GPC6: variants seen among roughly 807,000 people sequenced by gnomAD.
The protein encoded by GPC6 is glypican 6.
In GPC6, 14 loss-of-function variants were observed where a neutral mutation model predicts 55.2. That is an observed-to-expected ratio of 0.25 (90% CI 0.17 to 0.40). The LOEUF (loss-of-function observed/expected upper bound fraction) is 0.40. Among genes scored for constraint, GPC6 ranks in the 10% least tolerant of loss-of-function variants. GPC6 has a pLI of 1.00. For missense variants in GPC6, 641 were observed against 708.5 expected, an observed-to-expected ratio of 0.90 and a Z score of 1.08; for synonymous variants, 278 against 259.6, an observed-to-expected ratio of 1.07 and a Z score of -0.68.
intron 2 of GPC6, among the ~76,000 whole-genome samples, chr13:93,755,328 G>A (rs1328483861): frequency 6.6e-6 from 1 of 152,116 alleles, no homozygotes; most frequent in African/African-American, 2.4e-5. Context: ...GGAAATGCTG[G>A]AGGCCATGGT....
intron 6 of GPC6, among the ~76,000 whole-genome samples, chr13:94,316,499 C>T (rs1173040431): frequency 6.6e-6 from 1 of 151,964 alleles, no homozygotes; most frequent in African/African-American, 2.4e-5. Flanking sequence ...GGGCGGATCA[C>T]GAGGTCAGGA....
chr13:93,610,370 G>T (rs1247569243), intron 2 of GPC6, among the ~76,000 whole-genome samples: 1 of 152,146 alleles, frequency 6.6e-6, no homozygotes, highest in African/African-American at 2.4e-5. Context: ...TCGCAACCCA[G>T]AATGTGTGCG....
chr13:94,220,311 A>G (rs1890346088), intron 4 of GPC6, among the ~76,000 whole-genome samples: 1 of 152,066 alleles, frequency 6.6e-6, no homozygotes, highest in African/African-American at 2.4e-5. Context: ...ACCCTTCATC[A>G]TAGGAGTCCA....
intron 3 of GPC6, among the ~76,000 whole-genome samples, chr13:94,006,230 G>A (rs1882014794): frequency 6.6e-6 from 1 of 152,118 alleles, no homozygotes; most frequent in Non-Finnish European, 1.5e-5. Context: ...CTGTGAAAGG[G>A]CCATGTATGC....
At chr13:93,552,782 C>T (rs72641636) in intron 2 of GPC6, among the ~76,000 whole-genome samples, 2,737 of 152,210 alleles carry the variant, frequency 0.018, 27 homozygotes, top group Non-Finnish European at 0.027. Context: ...ACCAGTTCTA[C>T]CAGAAGGGTT....
chr13:93,986,619 C>A (rs1002740671), intron 3 of GPC6, among the ~76,000 whole-genome samples: 10 of 152,258 alleles, frequency 6.6e-5, no homozygotes, highest in African/African-American at 2.4e-4. Flanking sequence ...ACAACTATTA[C>A]ACTTTGAATA....
chr13:94,363,882 C>T, intron 6 of GPC6, among the ~76,000 whole-genome samples: 1 of 152,130 alleles, frequency 6.6e-6, no homozygotes, highest in East Asian at 1.9e-4. Flanking sequence ...GTATAAAATA[C>T]AAACTAGGCT....
chr13:93,737,500 A>T (rs770546793), intron 2 of GPC6, among the ~76,000 whole-genome samples: 1 of 152,166 alleles, frequency 6.6e-6, no homozygotes, highest in African/African-American at 2.4e-5. Flanking sequence ...TGAAAGGAAG[A>T]CAATCAAAGT....
chr13:93,464,412 C>T (rs1437760624), intron 1 of GPC6, among the ~76,000 whole-genome samples: 2 of 152,182 alleles, frequency 1.3e-5, no homozygotes, highest in African/African-American at 2.4e-5. Flanking sequence ...GCAGCTTTAT[C>T]AACTCAGTTA....
chr13:93,233,824 G>A (rs1876142103), intron 1 of GPC6, among the ~76,000 whole-genome samples: 1 of 152,086 alleles, frequency 6.6e-6, no homozygotes, highest in Admixed American at 6.5e-5. Flanking sequence ...ACTGGAGAAG[G>A]GGGCCCAAAG....
In GPC6 at chr13:94,329,313, CAT is replaced by C. The variant is rs368983951; in HGVS notation, c.1152+23191_1152+23192del. On this transcript the variant is annotated intron_variant, in intron 6 of 8. Transcript: ENST00000377047. ...GCATGTTCAACGTTAGGAATTTTCA[CAT>C]GAGTTCACAGTGTTCCCAGGGCCCA... Among the ~76,000 whole-genome samples, 26 of 152,288 alleles carry C rather than the reference CAT, an allele frequency of 1.7e-4. No homozygotes were observed. In the East Asian group the frequency reaches 3.9e-3, roughly 23 times the overall value.
At position 93,607,240 on chromosome 13, in the gene GPC6, G is replaced by A. The variant is rs150826243; in HGVS notation, c.319+61819G>A. Among the ~76,000 whole-genome samples the A allele has an allele frequency of 1.3e-3, 192 of 152,202 alleles. 2 individuals are homozygous for A. Among genetic ancestry groups the A allele is most frequent in the African/African-American group, 3.9e-3 (160 of 41,508 alleles). On this transcript the variant is annotated intron_variant, in intron 2 of 8. Transcript: ENST00000377047. Reference sequence around the variant, plus strand: ...GTCTACTTTTATATGACTGTTACCCGCAATATATTTGTTTTTTGTTCTTCA... The same window carrying A: ...GTCTACTTTTATATGACTGTTACCCACAATATATTTGTTTTTTGTTCTTCA...
intron 2 of GPC6, among the ~76,000 whole-genome samples, chr13:93,808,181 A>T (rs2138947202): frequency 6.6e-6 from 1 of 151,138 alleles, no homozygotes; most frequent in Non-Finnish European, 1.5e-5. Flanking sequence ...GATTAATGGG[A>T]TAGTTATTAC....
intron 3 of GPC6, among the ~76,000 whole-genome samples, chr13:93,989,260 T>C (rs1324181950): frequency 6.6e-6 from 1 of 152,228 alleles, no homozygotes; most frequent in Non-Finnish European, 1.5e-5. Context: ...CTGTTTTATC[T>C]GTCAGAATGA....
At chr13:93,304,192 G>A (rs1433440916) in intron 1 of GPC6, among the ~76,000 whole-genome samples, 1 of 152,100 alleles carries the variant, frequency 6.6e-6, no homozygotes, top group Non-Finnish European at 1.5e-5. Flanking sequence ...ATCATTGAAA[G>A]ACATTCTAAA....
chr13:93,833,716 A>T (rs1204287649), intron 3 of GPC6, among the ~76,000 whole-genome samples: 4 of 152,228 alleles, frequency 2.6e-5, no homozygotes, highest in Non-Finnish European at 5.9e-5. Flanking sequence ...ATGTTTTGAC[A>T]TAATGTTCAG....
chr13:93,992,405 T>C (rs1283815978), intron 3 of GPC6, among the ~76,000 whole-genome samples: 1 of 152,172 alleles, frequency 6.6e-6, no homozygotes. Context: ...ATAGCTTGTT[T>C]GATTAGGTCA....
intron 1 of GPC6, among the ~76,000 whole-genome samples, chr13:93,464,967 C>T (rs948797606): frequency 2.0e-5 from 3 of 152,194 alleles, no homozygotes; most frequent in African/African-American, 7.2e-5. Flanking sequence ...TCTCTGTCCA[C>T]CTCCATCAAA....
intron 4 of GPC6, among the ~76,000 whole-genome samples, chr13:94,166,406 G>A (rs1448823377): frequency 6.6e-6 from 1 of 152,136 alleles, no homozygotes; most frequent in Non-Finnish European, 1.5e-5. Context: ...TCAGAAGATA[G>A]CCTGTCGTTG....
Sources: gnomAD v4.1 joint callset for allele counts (sites outside exome capture counted in the v4.1 genomes callset) on GRCh38, gnomAD v4.1.1 for gene constraint, MANE v1.5 for transcripts, NCBI Gene and HGNC (gene_info 2026-07-23, HGNC 2026-07-21) for gene names.